The following NLK variants were observed in gnomAD, a reference collection of about 807,000 sequenced individuals.
NLK encodes the protein serine/threonine-protein kinase NLK.
In NLK, 11 loss-of-function variants were observed where a neutral mutation model predicts 59.0. The ratio of observed to expected loss-of-function variants is 0.19; its 90% CI spans 0.12 to 0.31. The LOEUF (loss-of-function observed/expected upper bound fraction) is 0.31. Among genes scored for constraint, NLK ranks in the 10% least tolerant of loss-of-function variants. NLK has a pLI of 1.00. For synonymous variants in NLK, 235 were observed against 235.9 expected (o/e 1.00, Z 0.03); for missense variants, 410 against 661.1 (o/e 0.62, Z 4.16).
intron 1 of NLK, among the ~76,000 whole-genome samples, chr17:28,112,200 C>G (rs183405114): frequency 6.6e-6 from 1 of 152,150 alleles, no homozygotes; most frequent in East Asian, 1.9e-4. Context: ...ATAGTCTGCC[C>G]TTCTTCTCAA....
At chr17:28,099,896 G>A (rs1299686886) in intron 1 of NLK, among the ~76,000 whole-genome samples, 1 of 152,048 alleles carries the variant, frequency 6.6e-6, no homozygotes, top group Non-Finnish European at 1.5e-5. Context: ...TTTTTACTTA[G>A]CATAATGTTT....
At chr17:28,157,480 C>T (rs542798309) in intron 3 of NLK, among the ~76,000 whole-genome samples, 2 of 152,132 alleles carry the variant, frequency 1.3e-5, no homozygotes, top group East Asian at 1.9e-4. Context: ...TGTGAGCCAC[C>T]GCACCCGGCC....
rs776635914 is a variant in NLK at position 28,168,661 on chromosome 17, T to G, written c.1047+4T>G. Reference sequence around the variant, plus strand: ...GGCACAGAGTCCCATTCAGCAGGTATGATTTCAATTTAAGGCTTTAGTTGC... The same window carrying G: ...GGCACAGAGTCCCATTCAGCAGGTAGGATTTCAATTTAAGGCTTTAGTTGC... On this transcript the variant is annotated splice_donor_region_variant and intron_variant, in intron 6 of 10. Coordinates refer to ENST00000407008, the MANE Select transcript of NLK (RefSeq NM_016231.5). 27 of 1,609,996 alleles carry G rather than the reference T, an allele frequency of 1.7e-5. No individual in the cohort carries two copies. In the East Asian group the frequency reaches 5.8e-4, roughly 35 times the overall value.
the NLK span, among the ~76,000 whole-genome samples, chr17:28,202,402 CCACTCACCTCAGCCTCCCAAAGTGCTG>C: frequency 6.6e-5 from 10 of 151,976 alleles, no homozygotes; most frequent in South Asian, 6.3e-4. Context: ...CCCAAGTGAT[CCACTCACCTCAGCCTCCCAAAGTGCTG>C]CACTCACCTC....
At chr17:28,154,079 G>T (rs1019679091) in intron 3 of NLK, among the ~76,000 whole-genome samples, 5 of 151,968 alleles carry the variant, frequency 3.3e-5, no homozygotes, top group Non-Finnish European at 7.4e-5. Context: ...ATTCCTTCCT[G>T]TAGTCCCCTT....
intron 3 of NLK, among the ~76,000 whole-genome samples, chr17:28,154,190 CAG>C (rs975619335): frequency 5.9e-5 from 9 of 152,234 alleles, no homozygotes; most frequent in African/African-American, 1.9e-4. Flanking sequence ...TACAGAATGT[CAG>C]AAAGTCTCAG....
intron 1 of NLK, among the ~76,000 whole-genome samples, chr17:28,114,304 TTAATAGA>T (rs1905660074): frequency 6.6e-6 from 1 of 152,222 alleles, no homozygotes; most frequent in African/African-American, 2.4e-5. Flanking sequence ...TATTTTTGAC[TTAATAGA>T]TAATGTCAAC....
intron 1 of NLK, among the ~76,000 whole-genome samples, chr17:28,077,902 CA>C (rs1340417738): frequency 6.6e-6 from 1 of 151,976 alleles, no homozygotes; most frequent in East Asian, 1.9e-4. Context: ...TTCTTTTTAA[CA>C]AATATATAGA....
At chr17:28,078,541 T>A (rs1018663798) in intron 1 of NLK, among the ~76,000 whole-genome samples, 3 of 152,162 alleles carry the variant, frequency 2.0e-5, no homozygotes, top group Admixed American at 1.3e-4. Flanking sequence ...AATTCTGTCA[T>A]TGTTATCTCT....
At chr17:28,091,812 A>T (rs1308570466) in intron 1 of NLK, among the ~76,000 whole-genome samples, 2 of 152,162 alleles carry the variant, frequency 1.3e-5, no homozygotes, top group South Asian at 4.1e-4. Flanking sequence ...AACCAATCCA[A>T]CTGAAACAGA....
intron 8 of NLK, 56 bp from the exon 9 acceptor site, chr17:28,190,965 T>A (rs1909286611): frequency 4.0e-6 from 5 of 1,250,194 alleles, no homozygotes; most frequent in Non-Finnish European, 5.6e-6. Context: ...AAAGATCCTA[T>A]GTGGACAGTC....
At chr17:28,174,154 T>G (rs767945283) in intron 7 of NLK, among the ~76,000 whole-genome samples, 1 of 152,164 alleles carries the variant, frequency 6.6e-6, no homozygotes, top group Non-Finnish European at 1.5e-5. Flanking sequence ...ACTTTTTCTG[T>G]GAAAATTTTA....
At chr17:28,175,816 AT>A (rs1836246682) in intron 7 of NLK, among the ~76,000 whole-genome samples, 1 of 152,234 alleles carries the variant, frequency 6.6e-6, no homozygotes, top group African/African-American at 2.4e-5. Flanking sequence ...AAAATTATAC[AT>A]TGTGATCAAG....
At chr17:28,185,478 C>T (rs769629541) in intron 8 of NLK, among the ~76,000 whole-genome samples, 1 of 152,112 alleles carries the variant, frequency 6.6e-6, no homozygotes, top group Non-Finnish European at 1.5e-5. Flanking sequence ...GGAGCTGGAT[C>T]TTATTTAACT....
At chr17:28,162,007 A>T (rs867385280) in intron 4 of NLK, among the ~76,000 whole-genome samples, 1 of 152,030 alleles carries the variant, frequency 6.6e-6, no homozygotes, top group African/African-American at 2.4e-5. Context: ...TGCCAAAAGG[A>T]TGAAAACACA....
At chr17:28,086,318 A>G (rs1910514912) in intron 1 of NLK, among the ~76,000 whole-genome samples, 1 of 152,118 alleles carries the variant, frequency 6.6e-6, no homozygotes, top group Non-Finnish European at 1.5e-5. Flanking sequence ...AATTCCTTTT[A>G]TGTTCCATGG....
chr17:28,168,463 T>C lies in NLK; in HGVS notation c.853T>C (p.Leu285=). The change falls in exon 6 of 11, where the codon TTG becomes CTG. Residue 285 remains leucine, a synonymous_variant. Coordinates refer to ENST00000407008, the MANE Select transcript of NLK (RefSeq NM_016231.5). ...NCVLKICDFG[L]ARVEELDESR... Reference sequence around the variant, plus strand: ...TTCTGTCTAGATTTGTGATTTTGGATTGGCCAGAGTGGAAGAATTAGATGA... The same window carrying C: ...TTCTGTCTAGATTTGTGATTTTGGACTGGCCAGAGTGGAAGAATTAGATGA... 1 of 1,613,008 alleles carries C rather than the reference T, an allele frequency of 6.2e-7. No individual in the cohort carries two copies.
At chr17:28,178,558 G>A (rs1908775111) in intron 7 of NLK, among the ~76,000 whole-genome samples, 1 of 152,166 alleles carries the variant, frequency 6.6e-6, no homozygotes, top group African/African-American at 2.4e-5. Flanking sequence ...TCAGCTCTTA[G>A]TCCTCTTGTT....
intron 1 of NLK, among the ~76,000 whole-genome samples, chr17:28,105,663 C>T (rs1316719640): frequency 6.6e-6 from 1 of 152,216 alleles, no homozygotes; most frequent in Non-Finnish European, 1.5e-5. Context: ...GTTCTTTCCC[C>T]CACCCCTTCT....
Sources: gnomAD v4.1 joint callset for allele counts (sites outside exome capture counted in the v4.1 genomes callset) on GRCh38, gnomAD v4.1.1 for gene constraint, MANE v1.5 for transcripts, NCBI Gene and HGNC (gene_info 2026-07-23, HGNC 2026-07-21) for gene names.